The following SPTAN1 variants were observed in gnomAD, a reference collection of about 807,000 sequenced individuals.
The protein encoded by SPTAN1 is spectrin alpha, non-erythrocytic 1.
SPTAN1 carries 61 observed loss-of-function variants against 331.3 expected under a neutral mutation model. The observed-to-expected ratio is 0.18, with a 90% CI of 0.15 to 0.23. The LOEUF (loss-of-function observed/expected upper bound fraction) is 0.23, where lower values mean the gene tolerates loss of function less well. Ranked by LOEUF, SPTAN1 falls within the 10% of genes least tolerant of loss-of-function variation. The pLI, the probability that SPTAN1 is intolerant of heterozygous loss-of-function variation, is 1.00. For missense variants in SPTAN1, 2,043 were observed against 3,147.9 expected (o/e 0.65, Z 8.40); for synonymous variants, 1,153 against 1,173.9 (o/e 0.98, Z 0.36).
intron 31 of SPTAN1, among the ~76,000 whole-genome samples, chr9:128,607,083 T>TACACACTCA (rs1855991869): frequency 6.6e-6 from 1 of 152,206 alleles, no homozygotes; most frequent in Non-Finnish European, 1.5e-5. Flanking sequence ...TTTGTGCCCT[T>TACACACTCA]GTGGTTGTAC....
chr9:128,607,811 A>T (rs201923046), intron 32 of SPTAN1, 41 bp from the exon 33 acceptor site: 1 of 1,613,184 alleles, frequency 6.2e-7, no homozygotes, highest in East Asian at 2.2e-5. Context: ...CAGAGTGGGC[A>T]TCTGCTGCCA....
At chr9:128,589,383 C>T (rs1285211546) in intron 21 of SPTAN1, among the ~76,000 whole-genome samples, 1 of 149,570 alleles carries the variant, frequency 6.7e-6, no homozygotes, top group Non-Finnish European at 1.5e-5. Context: ...CCGCCTCCTG[C>T]GTTCACCCCA....
At chr9:128,611,172 C>T (rs975861244) in intron 37 of SPTAN1, among the ~76,000 whole-genome samples, 9 of 152,168 alleles carry the variant, frequency 5.9e-5, no homozygotes, top group African/African-American at 2.2e-4. Flanking sequence ...ATAGCTACTG[C>T]AAGAATTGAT....
In SPTAN1 at chr9:128,598,999, T is replaced by C. The variant is rs888692826; in HGVS notation, c.3543+13T>C. 6 of 1,613,536 alleles carry C rather than the reference T, an allele frequency of 3.7e-6. No homozygotes were observed. The highest frequency in any genetic ancestry group is 2.7e-5 in the African/African-American group (2 of 75,044). On this transcript the variant is annotated intron_variant, in intron 26 of 56. Coordinates refer to ENST00000372739, the MANE Select transcript of SPTAN1 (RefSeq NM_001130438.3). ...CATGATGCCCAGGGTAAGTTTCGGG[T>C]GCTGTGTGTGGATCTTGAACATGAG...
At chr9:128,575,784 GCTCT>G (rs1851235223) in intron 5 of SPTAN1, among the ~76,000 whole-genome samples, 1 of 152,096 alleles carries the variant, frequency 6.6e-6, no homozygotes. Context: ...TCGTGAATAG[GCTCT>G]CCACTCTGGC....
intron 52 of SPTAN1, among the ~76,000 whole-genome samples, chr9:128,630,980 A>G (rs182692245): frequency 0.017 from 2,597 of 151,922 alleles, 36 homozygotes; most frequent in Non-Finnish European, 0.027. Context: ...AAGTGCTGGG[A>G]TTACAAGCGT....
intron 41 of SPTAN1, among the ~76,000 whole-genome samples, chr9:128,616,746 C>T (rs992746161): frequency 2.6e-5 from 4 of 151,322 alleles, no homozygotes; most frequent in African/African-American, 9.7e-5. Context: ...CAGAGCAAGA[C>T]TCCGTCTCAA....
Position 128,607,546 on chromosome 9 carries a change from C to A in SPTAN1, c.4047-58C>A. 2.1e-6 allele frequency: 3 copies of A among 1,401,672 alleles called. No individual in the cohort carries two copies. In the Admixed American group the frequency reaches 5.0e-5, roughly 23 times the overall value. The allele number at this position is 1,401,672 out of a possible 1,614,324, so 86.8% of individuals were successfully genotyped here. ...TTATGTCATTCTCTGTTTTCCTGGG[C>A]AGAAGATCTCCTTACCAGGTAATAT... On this transcript the variant is annotated intron_variant, in intron 31 of 56. Transcript: ENST00000372739.
chr9:128,609,870 A>C (rs1357308516), intron 37 of SPTAN1, among the ~76,000 whole-genome samples: 2 of 151,592 alleles, frequency 1.3e-5, no homozygotes, highest in East Asian at 3.9e-4. Context: ...GCAACGCCTT[A>C]CTCCCCCTTC....
intron 18 of SPTAN1, among the ~76,000 whole-genome samples, chr9:128,585,280 C>T (rs1028315592): frequency 1.3e-5 from 2 of 152,114 alleles, no homozygotes; most frequent in Non-Finnish European, 2.9e-5. Flanking sequence ...CCACCTACCT[C>T]GGCCTCCCAA....
chr9:128,583,522 G>A (rs973322069), intron 15 of SPTAN1, among the ~76,000 whole-genome samples: 2 of 152,166 alleles, frequency 1.3e-5, no homozygotes, highest in Admixed American at 6.5e-5. Flanking sequence ...GGGCCTCATT[G>A]CTGAAAATCA....
chr9:128,559,947 C>G (rs973689283), intron 1 of SPTAN1, among the ~76,000 whole-genome samples: 12 of 152,112 alleles, frequency 7.9e-5, no homozygotes, highest in Admixed American at 2.6e-4. Context: ...GTTGGCCAGG[C>G]TGGTTTCAAA....
chr9:128,609,702 G>T (rs1184911591), intron 37 of SPTAN1, 37 bp downstream of exon 37: 1 of 1,416,740 alleles, frequency 7.1e-7, no homozygotes, highest in South Asian at 1.4e-5. Flanking sequence ...GTAGTTAAAT[G>T]AGCTCCAGTA....
chr9:128,613,160 T>C (rs1343291352), intron 39 of SPTAN1, among the ~76,000 whole-genome samples: 1 of 152,168 alleles, frequency 6.6e-6, no homozygotes, highest in Non-Finnish European at 1.5e-5. Flanking sequence ...GTATTTACTA[T>C]GAATAGACTC....
intron 56 of SPTAN1, 27 bp from the exon 57 acceptor site, chr9:128,633,182 C>G (rs750990425): frequency 2.0e-5 from 33 of 1,613,664 alleles, no homozygotes; most frequent in Non-Finnish European, 2.7e-5. Context: ...CTGGCTCAGG[C>G]ACCAGGTGCC....
intron 54 of SPTAN1, 37 bp downstream of exon 54, chr9:128,632,521 G>C: frequency 6.2e-7 from 1 of 1,614,162 alleles, no homozygotes; most frequent in Non-Finnish European, 8.5e-7. Context: ...TGGGTGGGGG[G>C]TGTTCGGCAG....
intron 1 of SPTAN1, among the ~76,000 whole-genome samples, chr9:128,556,065 C>CA (rs1301650414): frequency 3.3e-5 from 5 of 151,886 alleles, no homozygotes; most frequent in East Asian, 1.9e-4. Flanking sequence ...ACTAAAAATA[C>CA]AAAAAATTAG....
At position 128,584,412 on chromosome 9, in the gene SPTAN1, C is replaced by T. The variant is rs144649618; in HGVS notation, c.2324C>T (p.Ala775Val). 8.9e-5 allele frequency: 143 copies of T among 1,614,016 alleles called. No homozygotes were observed. In the African/African-American group the frequency reaches 1.6e-3, roughly 18 times the overall value. The change falls in exon 17 of 57, where the codon GCC (alanine) becomes GTC (valine). Residue 775 changes from alanine (A) to valine (V), a missense_variant. Around this residue, in one of 12 missense-constraint regions of SPTAN1, gnomAD observed 1,038 missense variants for 1,531.5 expected, o/e 0.68. Transcript: ENST00000372739. ...GAGGCACTCAAGGAGCCCATGGTTG[C>T]CCGGAAGCAGAAGCTGGCCGATTCT... ...RYEALKEPMV[A>V]RKQKLADSLR...
At chr9:128,632,747 G>C in intron 55 of SPTAN1, 29 bp downstream of exon 55, 1 of 1,614,062 alleles carries the variant, frequency 6.2e-7, no homozygotes, top group Non-Finnish European at 8.5e-7. Context: ...GGTGCTGTGA[G>C]CCTCTGCCCG....
Sources: allele counts gnomAD v4.1 joint callset (sites outside exome capture counted in the v4.1 genomes callset), GRCh38; gene constraint gnomAD v4.1.1; regional missense constraint gnomAD v4.1.1; transcripts MANE v1.5; gene names NCBI Gene and HGNC (gene_info 2026-07-23, HGNC 2026-07-21).